ADGRB3: variants seen among roughly 807,000 people sequenced by gnomAD.
ADGRB3 encodes the protein adhesion G protein-coupled receptor B3.
In ADGRB3, 37 loss-of-function variants were observed where a neutral mutation model predicts 193.4. That is an observed-to-expected ratio of 0.19 (90% CI 0.15 to 0.25). The LOEUF is 0.25. Among genes scored for constraint, ADGRB3 ranks in the 10% least tolerant of loss-of-function variants. The pLI, the probability that ADGRB3 is intolerant of heterozygous loss-of-function variation, is 1.00. For missense variants in ADGRB3, 1,637 were observed against 1,852.9 expected (o/e 0.88, Z 2.14); for synonymous variants, 690 against 644.2 (o/e 1.07, Z -1.08).
At chr6:68,804,399 G>A (rs1191285957) in intron 3 of ADGRB3, among the ~76,000 whole-genome samples, 3 of 152,120 alleles carry the variant, frequency 2.0e-5, no homozygotes, top group Non-Finnish European at 2.9e-5. Context: ...TGTTGCCTTT[G>A]CACCTTGTAT....
At chr6:69,052,058 T>C (rs530882098) in intron 15 of ADGRB3, among the ~76,000 whole-genome samples, 5 of 152,196 alleles carry the variant, frequency 3.3e-5, no homozygotes, top group East Asian at 1.9e-4. Context: ...GCCGGGCTAA[T>C]TTTGTATTTT....
At chr6:68,947,877 C>A (rs1562096575) in intron 6 of ADGRB3, among the ~76,000 whole-genome samples, 1 of 152,084 alleles carries the variant, frequency 6.6e-6, no homozygotes, top group African/African-American at 2.4e-5. Context: ...CAGAATCACA[C>A]CTGTAGCTGA....
chr6:69,106,164 T>TAAAAAAAAA lies in ADGRB3; in HGVS notation c.2480+30137_2480+30145dup, dbSNP rs61114782. 2.5e-3 allele frequency among the ~76,000 whole-genome samples: 231 copies of TAAAAAAAAA among 91,016 alleles called. 9 individuals carry two copies. The highest frequency in any genetic ancestry group is 4.0e-3 in the East Asian group (8 of 1,986). The allele number at this position is 91,016 out of a possible 152,430, so 59.7% of individuals were successfully genotyped here. A position where few individuals can be genotyped will look rare whatever the true frequency, so the allele number is the denominator to read the frequency against. On this transcript the variant is annotated intron_variant, in intron 17 of 31. Transcript: ENST00000370598. ...ACAGGCTTTTTCTGTGAGACTGCGTTAAAAAAAAAAAAAAAAAAAGAAAAG... is the reference window on the plus strand; with the variant it reads ...ACAGGCTTTTTCTGTGAGACTGCGTTAAAAAAAAAAAAAAAAAAAAAAAAAAAAGAAAAG...
intron 17 of ADGRB3, among the ~76,000 whole-genome samples, chr6:69,113,398 A>G (rs1018491619): frequency 3.3e-5 from 5 of 152,040 alleles, no homozygotes; most frequent in Admixed American, 6.6e-5. Flanking sequence ...GTGTGTATAT[A>G]TCATATATAC....
chr6:69,227,449 T>C (rs1290077606), intron 17 of ADGRB3, among the ~76,000 whole-genome samples: 1 of 152,168 alleles, frequency 6.6e-6, no homozygotes, highest in Non-Finnish European at 1.5e-5. Flanking sequence ...ACAGGATCTC[T>C]CTGGATTTTT....
chr6:68,644,371 T>C (rs1053728040), intron 3 of ADGRB3, among the ~76,000 whole-genome samples: 1 of 152,174 alleles, frequency 6.6e-6, no homozygotes, highest in African/African-American at 2.4e-5. Context: ...AAAATGTCAA[T>C]GATAAATAGA....
intron 3 of ADGRB3, among the ~76,000 whole-genome samples, chr6:68,912,256 T>C (rs1331812732): frequency 1.3e-5 from 2 of 152,028 alleles, no homozygotes; most frequent in African/African-American, 4.8e-5. Flanking sequence ...CTGATTTTTT[T>C]TTCTGTGCCT....
chr6:69,198,173 T>C (rs920359734), intron 17 of ADGRB3, among the ~76,000 whole-genome samples: 3 of 152,060 alleles, frequency 2.0e-5, no homozygotes, highest in Non-Finnish European at 4.4e-5. Flanking sequence ...TTGTCAGTCT[T>C]CCATACTAAA....
intron 3 of ADGRB3, among the ~76,000 whole-genome samples, chr6:68,819,301 C>T (rs956710286): frequency 6.6e-6 from 1 of 151,748 alleles, no homozygotes; most frequent in African/African-American, 2.4e-5. Context: ...CATCGCTCTC[C>T]TCCTCAATCT....
chr6:68,728,024 C>T (rs1015600942), intron 3 of ADGRB3, among the ~76,000 whole-genome samples: 1 of 151,502 alleles, frequency 6.6e-6, no homozygotes, highest in Non-Finnish European at 1.5e-5. Flanking sequence ...TTTATCTAGG[C>T]ATTTTTATTG....
At chr6:69,263,065 G>A (rs1582588435) in intron 20 of ADGRB3, among the ~76,000 whole-genome samples, 1 of 151,938 alleles carries the variant, frequency 6.6e-6, no homozygotes, top group Non-Finnish European at 1.5e-5. Context: ...CAAAATTGAG[G>A]TTACCTGTAG....
At chr6:69,164,948 C>G (rs1775093758) in intron 17 of ADGRB3, among the ~76,000 whole-genome samples, 1 of 151,950 alleles carries the variant, frequency 6.6e-6, no homozygotes, top group Non-Finnish European at 1.5e-5. Flanking sequence ...CATTCTATAC[C>G]AAATGGAGAG....
intron 17 of ADGRB3, among the ~76,000 whole-genome samples, chr6:69,174,120 G>T (rs1775361534): frequency 6.6e-6 from 1 of 151,854 alleles, no homozygotes; most frequent in Non-Finnish European, 1.5e-5. Flanking sequence ...TTTTATTTTA[G>T]ATTCAGAGGT....
Position 69,069,892 on chromosome 6 carries a change from G to A in ADGRB3, c.2437-6103G>A, listed in dbSNP as rs150600898. ...TACAATAATAACAATCTTTAGTAGG[G>A]AAAGAGAGAGAGGATAAACTTAGCA... is the stretch of plus-strand genomic sequence containing the variant. On this transcript the variant is annotated intron_variant, in intron 16 of 31. Coordinates refer to ENST00000370598, the MANE Select transcript of ADGRB3 (RefSeq NM_001704.3). Among the ~76,000 whole-genome samples the A allele has an allele frequency of 2.8e-3, 432 of 152,126 alleles. 2 individuals carry two copies. Among genetic ancestry groups the A allele is most frequent in the African/African-American group, 9.8e-3 (407 of 41,498 alleles).
At chr6:68,680,213 C>A (rs184054336) in intron 3 of ADGRB3, among the ~76,000 whole-genome samples, 1 of 150,806 alleles carries the variant, frequency 6.6e-6, no homozygotes, top group African/African-American at 2.4e-5. Flanking sequence ...GTAGCCTTAA[C>A]GGACTAAGAC....
At chr6:68,859,916 T>C (rs1339161677) in intron 3 of ADGRB3, among the ~76,000 whole-genome samples, 4 of 152,064 alleles carry the variant, frequency 2.6e-5, no homozygotes, top group Non-Finnish European at 5.9e-5. Context: ...TTAATAGAAA[T>C]GCAATTGAGA....
At chr6:69,304,514 C>T (rs1454082604) in intron 20 of ADGRB3, among the ~76,000 whole-genome samples, 2 of 151,588 alleles carry the variant, frequency 1.3e-5, no homozygotes, top group Non-Finnish European at 2.9e-5. Flanking sequence ...CTGCAATTTT[C>T]TGTCTTCTTT....
At chr6:68,683,250 A>G (rs900993171) in intron 3 of ADGRB3, among the ~76,000 whole-genome samples, 1 of 152,282 alleles carries the variant, frequency 6.6e-6, no homozygotes, top group Middle Eastern at 3.4e-3. Context: ...TTTATTAAGC[A>G]AAAGTAATCT....
chr6:68,935,101 A>G (rs1767448312), intron 4 of ADGRB3, among the ~76,000 whole-genome samples: 1 of 152,172 alleles, frequency 6.6e-6, no homozygotes, highest in African/African-American at 2.4e-5. Context: ...AATGCGTCAT[A>G]ATGGTACTAC....
Sources: gnomAD v4.1 joint callset for allele counts (sites outside exome capture counted in the v4.1 genomes callset) on GRCh38, gnomAD v4.1.1 for gene constraint, MANE v1.5 for transcripts, NCBI Gene and HGNC (gene_info 2026-07-23, HGNC 2026-07-21) for gene names.